The following ADRA1A variants were observed in gnomAD, a reference collection of about 807,000 sequenced individuals.
ADRA1A encodes alpha-1A adrenergic receptor.
A neutral mutation model predicts 29.6 loss-of-function variants in ADRA1A; 31 were observed. The observed-to-expected ratio is 1.05, with a 90% confidence interval of 0.79 to 1.41. The LOEUF is 1.41. Among genes scored for constraint, ADRA1A ranks in the 40% most tolerant of loss-of-function variants. The pLI is 0.00. For missense variants in ADRA1A, 619 were observed against 601.1 expected (o/e 1.03, Z -0.31); for synonymous variants, 311 against 254.3 (o/e 1.22, Z -2.12).
chr8:26,810,040 C>T (rs189855973), intron 2 of ADRA1A, among the ~76,000 whole-genome samples: 138 of 152,316 alleles, frequency 9.1e-4, no homozygotes, highest in South Asian at 3.9e-3. Flanking sequence ...CCTTGAAAAC[C>T]GGCTGCCCTT....
At chr8:26,855,483 A>T (rs1812978860) in intron 2 of ADRA1A, among the ~76,000 whole-genome samples, 1 of 152,056 alleles carries the variant, frequency 6.6e-6, no homozygotes, top group Non-Finnish European at 1.5e-5. Flanking sequence ...ATTTCACAAG[A>T]GGAGAAATAT....
At chr8:26,763,735 A>G (rs1264983045), downstream of ADRA1A, among the ~76,000 whole-genome samples, 1 of 152,182 alleles carries the variant, frequency 6.6e-6, no homozygotes, top group Non-Finnish European at 1.5e-5. This position sits in a 1 kb window ranked among gnomAD's most constrained non-coding sequence, Gnocchi z 4.5. Context: ...ATTACGGCCC[A>G]TGAGCTCACT....
intron 2 of ADRA1A, among the ~76,000 whole-genome samples, chr8:26,836,675 C>T (rs909237665): frequency 6.6e-6 from 1 of 152,200 alleles, no homozygotes; most frequent in Non-Finnish European, 1.5e-5. Flanking sequence ...TCTGGTAGTT[C>T]TTTCTTAAAA....
At chr8:26,832,735 C>T (rs927376293) in intron 2 of ADRA1A, among the ~76,000 whole-genome samples, 7 of 152,120 alleles carry the variant, frequency 4.6e-5, no homozygotes, top group African/African-American at 1.7e-4. Context: ...GGTTTGCCTG[C>T]AGGAGGATGT....
At chr8:26,862,381 C>T (rs1183254233) in intron 2 of ADRA1A, among the ~76,000 whole-genome samples, 2 of 152,188 alleles carry the variant, frequency 1.3e-5, no homozygotes, top group African/African-American at 4.8e-5. Flanking sequence ...AGCCTCTCAT[C>T]CTGTTGATTT....
In ADRA1A at chr8:26,866,880, G is replaced by T. The variant is rs571604329; in HGVS notation, c.-687+56C>A. 4.4e-4 allele frequency: 434 copies of T among 985,424 alleles called. No individual in the cohort carries two copies. The highest frequency in any genetic ancestry group is 5.1e-4 in the Non-Finnish European group (420 of 830,054). 61.0% of individuals were successfully genotyped at this position (985,424 alleles called of 1,614,324 possible). ...GGGGTTCCGTCTCACCAGACGGCGG[G>T]GGAGGTCTGCCCTCACCCACTCGGC... On this transcript the variant is annotated intron_variant, in intron 1 of 2. Coordinates refer to ENST00000380573, the MANE Select transcript of ADRA1A (RefSeq NM_000680.4). This position sits in a 1 kb window ranked among gnomAD's most constrained non-coding sequence, Gnocchi z 5.7.
At chr8:26,770,814 G>T in intron 2 of ADRA1A, 148 bp from the exon 3 acceptor site, 4 of 1,173,448 alleles carry the variant, frequency 3.4e-6, no homozygotes, top group African/African-American at 1.5e-5. Context: ...TGACTGACTA[G>T]CTCCTATGAC....
At chr8:26,762,155 C>T (rs142155228), downstream of ADRA1A, among the ~76,000 whole-genome samples, 335 of 152,186 alleles carry the variant, frequency 2.2e-3, 1 homozygote, top group African/African-American at 7.5e-3. This position sits in a 1 kb window ranked among gnomAD's most constrained non-coding sequence, Gnocchi z 4.0. Flanking sequence ...TAGAGACTTT[C>T]GAACCATCAG....
chr8:26,754,226 T>C (rs79280927), downstream of ADRA1A, among the ~76,000 whole-genome samples: 256 of 152,302 alleles, frequency 1.7e-3, 5 homozygotes, highest in East Asian at 0.044. Flanking sequence ...GTGTCATATA[T>C]ATTCATTGAT....
chr8:26,800,089 T>C (rs1017589157), intron 2 of ADRA1A, among the ~76,000 whole-genome samples: 27 of 152,190 alleles, frequency 1.8e-4, no homozygotes, highest in African/African-American at 5.8e-4. Context: ...TGAAACCCTG[T>C]CTCTACTAAA....
intron 2 of ADRA1A, among the ~76,000 whole-genome samples, chr8:26,844,850 C>T (rs1259024793): frequency 7.9e-5 from 12 of 152,230 alleles, no homozygotes. Flanking sequence ...TTTGGCTTCC[C>T]TGGACCACAG....
chr8:26,770,111 C>A lies in ADRA1A; in HGVS notation c.*38G>T. The A allele has an allele frequency of 1.1e-5, 17 of 1,519,188 alleles. No individual in the cohort carries two copies. Among genetic ancestry groups the A allele is most frequent in the Non-Finnish European group, 1.5e-5 (17 of 1,134,596 alleles). The allele number at this position is 1,519,188 out of a possible 1,614,324, so 94.1% of individuals were successfully genotyped here. A position where few individuals can be genotyped will look rare whatever the true frequency, so the allele number is the denominator to read the frequency against. ...TTCCGAGAAGGAAGTGGGGTGGGTA[C>A]CTAAGATTATTCCCCTTTCCTCTGC... On this transcript the variant is annotated 3_prime_UTR_variant, in exon 3 of 3. Transcript: ENST00000380573.
chr8:26,752,434 G>A (rs1804961511), downstream of ADRA1A, among the ~76,000 whole-genome samples: 1 of 152,220 alleles, frequency 6.6e-6, no homozygotes, highest in Non-Finnish European at 1.5e-5. Context: ...AAAGAAAAGG[G>A]AAGGGAAAAC....
intron 2 of ADRA1A, among the ~76,000 whole-genome samples, chr8:26,783,666 A>G (rs1248750728): frequency 6.6e-6 from 1 of 152,226 alleles, no homozygotes; most frequent in African/African-American, 2.4e-5. Flanking sequence ...TGACATAGCA[A>G]TCCCATTACT....
At chr8:26,803,894 T>C (rs1284190801) in intron 2 of ADRA1A, among the ~76,000 whole-genome samples, 1 of 148,952 alleles carries the variant, frequency 6.7e-6, no homozygotes, top group Non-Finnish European at 1.5e-5. Context: ...ACAATCACTC[T>C]GCAAAAGAAT....
intron 2 of ADRA1A, among the ~76,000 whole-genome samples, chr8:26,827,473 T>G (rs995626759): frequency 3.3e-5 from 5 of 152,214 alleles, no homozygotes; most frequent in African/African-American, 1.2e-4. Context: ...CTGATAGTTC[T>G]AGATGCCAGG....
chr8:26,771,215 T>C (rs1314190548), intron 2 of ADRA1A, among the ~76,000 whole-genome samples: 2 of 152,244 alleles, frequency 1.3e-5, no homozygotes, highest in Non-Finnish European at 2.9e-5. Context: ...GGCCAGTGAT[T>C]CTCAATCACT....
At chr8:26,748,662 A>G in exon 3 of ADRA1A, 2 of 384,138 alleles carry the variant, frequency 5.2e-6, no homozygotes, top group Non-Finnish European at 1.0e-5. Flanking sequence ...CTGAGGCAGG[A>G]GAATCTCTTG....
chr8:26,780,706 G>A (rs1408296894), intron 2 of ADRA1A, among the ~76,000 whole-genome samples: 1 of 152,140 alleles, frequency 6.6e-6, no homozygotes, highest in African/African-American at 2.4e-5. Context: ...GTGTGTGGTG[G>A]GCCAGTGAAG....
Sources: allele counts gnomAD v4.1 joint callset (sites outside exome capture counted in the v4.1 genomes callset), GRCh38; gene constraint gnomAD v4.1.1; non-coding constraint Gnocchi (gnomAD v3.1); transcripts MANE v1.5; gene names NCBI Gene and HGNC (gene_info 2026-07-23, HGNC 2026-07-21).